Variants in PCDH7 observed in about 807,000 individuals in gnomAD.
PCDH7 encodes protocadherin-7.
In PCDH7, 17 loss-of-function variants were observed where a neutral mutation model predicts 58.9. The observed-to-expected ratio is 0.29, with a 90% CI of 0.20 to 0.43. PCDH7 has a LOEUF of 0.43. PCDH7 is among the 20% of genes least tolerant of loss of function. The probability of loss-of-function intolerance (pLI) is 1.00; values close to 1 mark genes in which losing one functional copy is unlikely to be tolerated. For missense variants in PCDH7, 1,274 were observed against 1,441.0 expected, an observed-to-expected ratio of 0.88 and a Z score of 1.88; for synonymous variants, 664 against 616.4, an observed-to-expected ratio of 1.08 and a Z score of -1.14.
intron 1 of PCDH7, among the ~76,000 whole-genome samples, chr4:30,886,733 A>G (rs1737849289): frequency 6.6e-6 from 1 of 151,782 alleles, no homozygotes; most frequent in African/African-American, 2.4e-5. Context: ...CAAACGTCCA[A>G]CAATGATAGA....
chr4:31,092,739 G>A (rs1047063288), intron 3 of PCDH7, among the ~76,000 whole-genome samples: 1 of 151,978 alleles, frequency 6.6e-6, no homozygotes, highest in Non-Finnish European at 1.5e-5. Flanking sequence ...AGAGGGACCA[G>A]CCTCTCTAAA....
chr4:30,920,441 G>A, intron 2 of PCDH7, 72 bp downstream of exon 2: 1 of 1,087,734 alleles, frequency 9.2e-7, no homozygotes, highest in Non-Finnish European at 1.2e-6. Flanking sequence ...GCGAAGGTCA[G>A]TCTAAAACCA....
chr4:30,733,348 C>T (rs1422179639), downstream of PCDH7, among the ~76,000 whole-genome samples: 1 of 151,698 alleles, frequency 6.6e-6, no homozygotes, highest in East Asian at 1.9e-4. Context: ...CTATCAGTAC[C>T]GGTCCTGGTA....
chr4:31,077,057 G>T (rs574160031), intron 3 of PCDH7, among the ~76,000 whole-genome samples: 1 of 152,214 alleles, frequency 6.6e-6, no homozygotes, highest in African/African-American at 2.4e-5. Flanking sequence ...GATTGGAAAT[G>T]TTATCATATA....
rs551330464 is a variant in PCDH7, at chr4:30,799,953, A to G, written c.70+75357A>G. 7.4e-4 allele frequency among the ~76,000 whole-genome samples: 113 copies of G among 151,728 alleles called. 1 individual carries two copies. The highest frequency in any genetic ancestry group is 1.3e-3 in the Admixed American group (20 of 15,232). On this transcript the variant is annotated intron_variant, in intron 1 of 3. Coordinates refer to the PCDH7 transcript ENST00000509759. ...ACTGCAACCTCCACCTGCCAGGTCC[A>G]TGCGATTCTTCCGCCTCAGCCTCCT...
intron 3 of PCDH7, among the ~76,000 whole-genome samples, chr4:31,116,553 C>T (rs1331531697): frequency 9.2e-5 from 14 of 152,126 alleles, no homozygotes; most frequent in Admixed American, 9.2e-4. Context: ...GTTGATGGGG[C>T]TGCTTGAGAA....
chr4:30,745,875 T>C (rs1717714842), intron 1 of PCDH7, among the ~76,000 whole-genome samples: 1 of 152,214 alleles, frequency 6.6e-6, no homozygotes, highest in Non-Finnish European at 1.5e-5. Context: ...ATTCTCACTC[T>C]GTCACCTAGG....
At chr4:30,888,599 G>C (rs1043922143) in intron 1 of PCDH7, among the ~76,000 whole-genome samples, 4 of 152,090 alleles carry the variant, frequency 2.6e-5, no homozygotes, top group Admixed American at 2.6e-4. Flanking sequence ...ATAGTATTAA[G>C]GGATTATTGT....
intron 3 of PCDH7, among the ~76,000 whole-genome samples, chr4:31,013,753 G>A (rs745379572): frequency 6.6e-6 from 1 of 151,956 alleles, no homozygotes; most frequent in Non-Finnish European, 1.5e-5. Context: ...ATAAGACAAG[G>A]GAGGGACCCA....
chr4:31,070,797 G>A (rs539541015), intron 3 of PCDH7, among the ~76,000 whole-genome samples: 1 of 152,040 alleles, frequency 6.6e-6, no homozygotes, highest in African/African-American at 2.4e-5. Flanking sequence ...AATAGAGGAA[G>A]TTTTATTAAT....
In PCDH7 at chr4:30,723,162, G is replaced by A; in HGVS notation, c.1740G>A (p.Gly580=). ...ACTCGCTGGACTCCTCTGTGATGGG[G>A]ATCTTTGCCATCGATCCCGATTCTG... Residue 580 remains glycine (G), a synonymous_variant, in exon 1 of 2, where the codon GGG becomes GGA. Transcript: ENST00000361762. The surrounding 1 kb of genome is among the most constrained non-coding windows in gnomAD (Gnocchi z 4.6). The A allele has an allele frequency of 1.2e-6, 2 of 1,614,148 alleles. No individual in the cohort carries two copies. Among genetic ancestry groups the A allele is most frequent in the East Asian group, 2.2e-5 (1 of 44,862 alleles).
intron 3 of PCDH7, among the ~76,000 whole-genome samples, chr4:31,097,459 G>GGAAAGAAAGGAA (rs1343458239): frequency 4.5e-5 from 6 of 132,050 alleles, no homozygotes; most frequent in African/African-American, 8.7e-5. Context: ...GTCTAAAAAA[G>GGAAAGAAAGGAA]GAAAGAAAGG....
chr4:30,740,001 T>C (rs1181315801), intron 1 of PCDH7, among the ~76,000 whole-genome samples: 1 of 152,216 alleles, frequency 6.6e-6, no homozygotes, highest in African/African-American at 2.4e-5. Context: ...ATATATTAAC[T>C]CATTAAATAG....
chr4:31,119,998 C>T (rs1207021359), intron 3 of PCDH7, among the ~76,000 whole-genome samples: 2 of 151,342 alleles, frequency 1.3e-5, no homozygotes, highest in Admixed American at 6.6e-5. Flanking sequence ...GTGCTGGCTG[C>T]GACCAATTAT....
chr4:30,843,442 C>A (rs116296455), intron 1 of PCDH7, among the ~76,000 whole-genome samples: 2,171 of 152,298 alleles, frequency 0.014, 46 homozygotes, highest in African/African-American at 0.049. Flanking sequence ...AATCTGCCCA[C>A]CTTGGCCTCC....
intron 1 of PCDH7, among the ~76,000 whole-genome samples, chr4:30,829,837 A>G (rs1729553793): frequency 6.6e-6 from 1 of 152,034 alleles, no homozygotes; most frequent in South Asian, 2.1e-4. Flanking sequence ...AGGGGGATGG[A>G]GAGGAGTTGA....
At chr4:31,066,227 A>G (rs1578700892) in intron 3 of PCDH7, among the ~76,000 whole-genome samples, 1 of 152,026 alleles carries the variant, frequency 6.6e-6, no homozygotes, top group East Asian at 1.9e-4. Flanking sequence ...AAGAGATAAT[A>G]TATGCATATA....
At chr4:30,774,790 G>C (rs1721857624) in intron 1 of PCDH7, among the ~76,000 whole-genome samples, 1 of 152,176 alleles carries the variant, frequency 6.6e-6, no homozygotes. Flanking sequence ...TCATTCTCCT[G>C]TTGTTTATTA....
chr4:30,813,758 C>T (rs1444394902), intron 1 of PCDH7, among the ~76,000 whole-genome samples: 1 of 152,128 alleles, frequency 6.6e-6, no homozygotes, highest in Non-Finnish European at 1.5e-5. Flanking sequence ...TTTCTTGCCT[C>T]AGCATCCTGA....
Sources: gnomAD v4.1 joint callset for allele counts (sites outside exome capture counted in the v4.1 genomes callset) on GRCh38, gnomAD v4.1.1 for gene constraint, Gnocchi (gnomAD v3.1) non-coding constraint, MANE v1.5 for transcripts, NCBI Gene and HGNC (gene_info 2026-07-23, HGNC 2026-07-21) for gene names.